The following PRMT3 variants were observed in gnomAD, a reference collection of about 807,000 sequenced individuals.
PRMT3 encodes the protein protein arginine methyltransferase 3, also known as protein arginine N-methyltransferase 3.
Under a neutral mutation model 71.9 loss-of-function variants are expected in PRMT3, and 62 were observed. That is an observed-to-expected ratio of 0.86 (90% CI 0.70 to 1.07). The LOEUF is 1.07. PRMT3 is among the 50% of genes least tolerant of loss of function. The probability of loss-of-function intolerance (pLI) is 0.00; values close to 1 mark genes in which losing one functional copy is unlikely to be tolerated. For missense variants in PRMT3, 663 were observed against 643.0 expected (o/e 1.03, Z -0.34); for synonymous variants, 213 against 220.4 (o/e 0.97, Z 0.30).
chr11:20,492,861 A>G (rs1204930281), intron 13 of PRMT3, among the ~76,000 whole-genome samples: 1 of 152,208 alleles, frequency 6.6e-6, no homozygotes, highest in East Asian at 1.9e-4. Context: ...GTTCGAGACC[A>G]GCCTGACCAA....
At position 20,432,091 on chromosome 11, in the gene PRMT3, C is replaced by T. The variant is rs933205405; in HGVS notation, c.993+5226C>T. On this transcript the variant is annotated intron_variant, in intron 10 of 15. Transcript: ENST00000331079. ...TTATAATCTATATTTTTGTTCTTGT[C>T]TGTGCTCTTAACCACTTCCTAGCCT... 2.6e-5 allele frequency among the ~76,000 whole-genome samples: 4 copies of T among 152,126 alleles called. No homozygotes were observed. The South Asian group carries it at 8.3e-4, about 32-fold the overall frequency.
intron 10 of PRMT3, among the ~76,000 whole-genome samples, chr11:20,433,430 A>G (rs2083839): frequency 0.029 from 4,374 of 152,146 alleles, 215 homozygotes; most frequent in African/African-American, 0.099. Context: ...TGTATCTGTG[A>G]CACCATTTTC....
intron 13 of PRMT3, among the ~76,000 whole-genome samples, chr11:20,491,671 T>A (rs1851210118): frequency 6.6e-6 from 1 of 152,146 alleles, no homozygotes; most frequent in African/African-American, 2.4e-5. Flanking sequence ...CCTTTACTTG[T>A]TGGTTTCGGT....
chr11:20,429,703 T>G (rs1054899813), intron 10 of PRMT3, among the ~76,000 whole-genome samples: 10 of 152,254 alleles, frequency 6.6e-5, no homozygotes, highest in Non-Finnish European at 1.5e-5. Context: ...TGCCTTTCCT[T>G]GTTTTAAGTG....
intron 13 of PRMT3, among the ~76,000 whole-genome samples, chr11:20,479,525 T>C (rs551825545): frequency 2.0e-5 from 3 of 152,336 alleles, no homozygotes; most frequent in Non-Finnish European, 4.4e-5. Context: ...TAAGAAAATG[T>C]CCGTCTTTTT....
intron 13 of PRMT3, among the ~76,000 whole-genome samples, chr11:20,489,636 C>A (rs1486189335): frequency 2.6e-5 from 4 of 151,924 alleles, no homozygotes; most frequent in Non-Finnish European, 4.4e-5. Context: ...ATTTTCCTGA[C>A]AAAATAAGTC....
At chr11:20,466,737 T>A (rs1393184022) in intron 13 of PRMT3, among the ~76,000 whole-genome samples, 2 of 152,152 alleles carry the variant, frequency 1.3e-5, no homozygotes, top group Non-Finnish European at 2.9e-5. Context: ...AAAAGAAACA[T>A]CTTAGTTTTA....
chr11:20,403,024 T>G, intron 8 of PRMT3, 40 bp downstream of exon 8: 2 of 1,441,946 alleles, frequency 1.4e-6, no homozygotes, highest in Middle Eastern at 1.8e-4. Flanking sequence ...TTTCATCTTG[T>G]TCTTGGGCAG....
At chr11:20,506,422 A>G (rs1851592087) in intron 15 of PRMT3, among the ~76,000 whole-genome samples, 1 of 151,840 alleles carries the variant, frequency 6.6e-6, no homozygotes, top group Non-Finnish European at 1.5e-5. Context: ...ATTTTGTTGA[A>G]TGGATTGCAC....
At chr11:20,468,866 G>A (rs879833140) in intron 13 of PRMT3, among the ~76,000 whole-genome samples, 54 of 152,104 alleles carry the variant, frequency 3.6e-4, no homozygotes, top group Non-Finnish European at 4.4e-4. Flanking sequence ...ATTATCTTCT[G>A]CAGTCTTCTC....
intron 13 of PRMT3, among the ~76,000 whole-genome samples, chr11:20,480,634 G>C (rs1003469324): frequency 6.6e-6 from 1 of 152,120 alleles, no homozygotes; most frequent in Non-Finnish European, 1.5e-5. Flanking sequence ...GTGGATGTGG[G>C]AGGCCAATAT....
At chr11:20,426,440 A>T (rs1182528406) in intron 9 of PRMT3, among the ~76,000 whole-genome samples, 1 of 152,128 alleles carries the variant, frequency 6.6e-6, no homozygotes, top group African/African-American at 2.4e-5. Context: ...ATACTTTTAT[A>T]TGTCTTATAT....
chr11:20,390,261 T>A (rs964322191), intron 3 of PRMT3, among the ~76,000 whole-genome samples: 7 of 152,056 alleles, frequency 4.6e-5, no homozygotes, highest in Admixed American at 4.6e-4. Flanking sequence ...GGAAATGGAG[T>A]TTTTTTGACA....
At chr11:20,420,355 A>G (rs1465500178) in intron 9 of PRMT3, among the ~76,000 whole-genome samples, 1 of 152,210 alleles carries the variant, frequency 6.6e-6, no homozygotes. Context: ...TTAGTAAACT[A>G]GAGTTAGAAA....
In PRMT3 at chr11:20,395,910, C is replaced by G; in HGVS notation, c.508C>G (p.Leu170Val). The G allele has an allele frequency of 1.2e-6, 2 of 1,614,142 alleles. No individual in the cohort carries two copies. Among genetic ancestry groups the G allele is most frequent in the Non-Finnish European group, 1.7e-6 (2 of 1,180,026 alleles). Residue 170 changes from leucine (L) to valine (V), a missense_variant, in exon 6 of 16, where the codon CTG becomes GTG. Coordinates refer to ENST00000331079, the MANE Select transcript of PRMT3 (RefSeq NM_005788.4). Reference protein sequence around the residue: ...EKLKHMEARALSAEAALARAR... With the variant: ...EKLKHMEARAVSAEAALARAR... ...ATTGAAACATATGGAAGCCAGGGCACTGTCTGCTGAAGCCGCATTGGCCAG... is the reference window on the plus strand; with the variant it reads ...ATTGAAACATATGGAAGCCAGGGCAGTGTCTGCTGAAGCCGCATTGGCCAG...
chr11:20,399,484 T>G (rs534562702), intron 7 of PRMT3, among the ~76,000 whole-genome samples: 294 of 152,314 alleles, frequency 1.9e-3, no homozygotes, highest in African/African-American at 6.7e-3. Context: ...GTGAATTTGT[T>G]GAAAAGAAAT....
In PRMT3 at chr11:20,484,420, G is replaced by A. The variant is rs539197769; in HGVS notation, c.1348-9499G>A. Among the ~76,000 whole-genome samples the A allele has an allele frequency of 1.0e-4, 3 of 29,870 alleles. No individual in the cohort carries two copies. The South Asian group carries it at 4.5e-3, about 45-fold the overall frequency. The allele number at this position is 29,870 out of a possible 152,430, so 19.6% of individuals were successfully genotyped here. On this transcript the variant is annotated intron_variant, in intron 13 of 15. Transcript: ENST00000331079. The stretch of plus-strand genomic sequence containing the variant: ...AGTGTTACAGTGATATGGTTTGGCT[G>A]TGTCCTCACCCAAATCTTGAATTCC...
At position 20,423,428 on chromosome 11, in the gene PRMT3, C is replaced by T. The variant is rs574845863; in HGVS notation, c.894-3338C>T. Among the ~76,000 whole-genome samples, 9 of 152,258 alleles carry T rather than the reference C, an allele frequency of 5.9e-5. No individual in the cohort carries two copies. In the East Asian group the frequency reaches 1.7e-3, roughly 29 times the overall value. On this transcript the variant is annotated intron_variant, in intron 9 of 15. Coordinates refer to ENST00000331079, the MANE Select transcript of PRMT3 (RefSeq NM_005788.4). ...CAGCTACCTGTTTTTGTAAGTAAAG[C>T]TGGAACACGGCTGGGCCTTTTTGTT...
chr11:20,421,897 A>G (rs930743629), intron 9 of PRMT3, among the ~76,000 whole-genome samples: 2 of 152,168 alleles, frequency 1.3e-5, no homozygotes, highest in Non-Finnish European at 1.5e-5. Context: ...TTCTACATAC[A>G]TTGTCACCTG....
Sources: allele counts gnomAD v4.1 joint callset (sites outside exome capture counted in the v4.1 genomes callset), GRCh38; gene constraint gnomAD v4.1.1; transcripts MANE v1.5; gene names NCBI Gene and HGNC (gene_info 2026-07-23, HGNC 2026-07-21).